TAFA2: variants seen among roughly 807,000 people sequenced by gnomAD.
TAFA2 encodes the protein TAFA chemokine like family member 2.
A neutral mutation model predicts 18.8 loss-of-function variants in TAFA2; 7 were observed. The ratio of observed to expected loss-of-function variants is 0.37; its 90% confidence interval spans 0.21 to 0.70. The LOEUF is 0.70. Ranked by LOEUF, TAFA2 falls within the 30% of genes least tolerant of loss-of-function variation. The pLI is 0.53. For synonymous variants in TAFA2, 60 were observed against 54.2 expected (o/e 1.11, Z -0.47); for missense variants, 122 against 158.1 (o/e 0.77, Z 1.23).
intron 1 of TAFA2, among the ~76,000 whole-genome samples, chr12:62,020,882 A>G (rs9668428): frequency 0.35 from 52,708 of 152,082 alleles, 9,578 homozygotes; most frequent in Non-Finnish European, 0.39. Context: ...AATGAAAACA[A>G]TCAAAGTAAG....
At chr12:62,257,499 A>C (rs541191579) in intron 1 of TAFA2, among the ~76,000 whole-genome samples, 1 of 152,280 alleles carries the variant, frequency 6.6e-6, no homozygotes, top group East Asian at 1.9e-4. Context: ...TTTAAATATC[A>C]GTAAGCAGAG....
At chr12:62,098,798 A>G (rs970099864) in intron 1 of TAFA2, among the ~76,000 whole-genome samples, 1 of 152,190 alleles carries the variant, frequency 6.6e-6, no homozygotes, top group African/African-American at 2.4e-5. Context: ...TAAAATTGAA[A>G]TTGAATAAAA....
chr12:61,812,415 G>T (rs1871908993), intron 2 of TAFA2, among the ~76,000 whole-genome samples: 1 of 151,362 alleles, frequency 6.6e-6, no homozygotes, highest in African/African-American at 2.5e-5. Flanking sequence ...AGAATAAACT[G>T]CTTCAGGGTC....
At chr12:61,778,700 G>A (rs930559741) in intron 2 of TAFA2, among the ~76,000 whole-genome samples, 11 of 151,822 alleles carry the variant, frequency 7.2e-5, no homozygotes, top group South Asian at 2.1e-4. Context: ...TGTCGACCTG[G>A]GTTTGAGCTC....
At chr12:62,051,008 CA>C (rs1259882451) in intron 1 of TAFA2, among the ~76,000 whole-genome samples, 7 of 152,304 alleles carry the variant, frequency 4.6e-5, no homozygotes, top group African/African-American at 1.7e-4. Flanking sequence ...CCAGGATTTC[CA>C]AAATGCCAAC....
chr12:62,147,289 T>A (rs1014461491), intron 1 of TAFA2, among the ~76,000 whole-genome samples: 2 of 143,952 alleles, frequency 1.4e-5, no homozygotes, highest in Non-Finnish European at 3.0e-5. Context: ...TATATATGTA[T>A]GTATATATGT....
At chr12:61,909,200 G>C (rs1314167379) in intron 1 of TAFA2, among the ~76,000 whole-genome samples, 1 of 152,134 alleles carries the variant, frequency 6.6e-6, no homozygotes, top group Non-Finnish European at 1.5e-5. Flanking sequence ...ACATTTTCAA[G>C]GTTCCATTAT....
At chr12:62,215,717 C>CTCTTGCTTAAGAGAAACAACTTGTTTA (rs2062732263) in intron 1 of TAFA2, among the ~76,000 whole-genome samples, 4 of 141,660 alleles carry the variant, frequency 2.8e-5, no homozygotes, top group African/African-American at 5.2e-5. Flanking sequence ...CAACTTGTTT[C>CTCTTGCTTAAGAGAAACAACTTGTTTA]TCTTGCTTAA....
chr12:61,738,290 AAC>A (rs369001355), intron 4 of TAFA2, among the ~76,000 whole-genome samples: 3,630 of 124,572 alleles, frequency 0.029, 105 homozygotes, highest in African/African-American at 0.079. Flanking sequence ...TGAAAATGAA[AAC>A]ACACACACAC....
intron 1 of TAFA2, among the ~76,000 whole-genome samples, chr12:62,164,842 G>T (rs1027018263): frequency 2.0e-5 from 3 of 151,968 alleles, no homozygotes; most frequent in African/African-American, 7.2e-5. Flanking sequence ...TTAGTACAAG[G>T]CCTGGCACAG....
intron 1 of TAFA2, among the ~76,000 whole-genome samples, chr12:62,114,205 C>T (rs1483982515): frequency 6.6e-6 from 1 of 152,196 alleles, no homozygotes; most frequent in Non-Finnish European, 1.5e-5. Context: ...CACCATTCCT[C>T]AAGACACAGT....
At chr12:61,761,706 A>C (rs1869553894) in intron 2 of TAFA2, among the ~76,000 whole-genome samples, 1 of 152,110 alleles carries the variant, frequency 6.6e-6, no homozygotes, top group African/African-American at 2.4e-5. Flanking sequence ...AAGTTGGCCA[A>C]GATAAAATAC....
intron 1 of TAFA2, among the ~76,000 whole-genome samples, chr12:61,923,422 C>A (rs994140352): frequency 1.3e-5 from 2 of 152,192 alleles, no homozygotes; most frequent in Admixed American, 1.3e-4. Context: ...TGTTCTGCAG[C>A]CTCTGCTGGT....
At chr12:61,732,396 C>T (rs373637073) in intron 4 of TAFA2, among the ~76,000 whole-genome samples, 64 of 152,072 alleles carry the variant, frequency 4.2e-4, no homozygotes, top group Non-Finnish European at 7.2e-4. Flanking sequence ...TGTGCTACCA[C>T]GTTATTTACT....
intron 1 of TAFA2, among the ~76,000 whole-genome samples, chr12:62,105,904 A>T (rs912735675): frequency 6.6e-6 from 1 of 152,240 alleles, no homozygotes; most frequent in Non-Finnish European, 1.5e-5. Context: ...GTCTGCTGCC[A>T]TTAGCAGATC....
intron 1 of TAFA2, chr12:62,253,056 T>C (rs1193326661): frequency 6.6e-6 from 1 of 152,208 alleles, no homozygotes; most frequent in Non-Finnish European, 1.5e-5. Context: ...TTGGTCTCTG[T>C]TCCTGACAGG....
chr12:62,228,634 T>G (rs1383041602), intron 1 of TAFA2, among the ~76,000 whole-genome samples: 1 of 152,190 alleles, frequency 6.6e-6, no homozygotes. Context: ...TCTCTGATTA[T>G]AGTATATTTT....
intron 1 of TAFA2, among the ~76,000 whole-genome samples, chr12:62,090,619 C>G (rs1868669430): frequency 6.6e-6 from 1 of 152,026 alleles, no homozygotes; most frequent in African/African-American, 2.4e-5. Context: ...ACCAGAGCCT[C>G]AAGGTCAACT....
intron 1 of TAFA2, among the ~76,000 whole-genome samples, chr12:62,210,849 C>T (rs779573156): frequency 4.1e-4 from 63 of 152,054 alleles, no homozygotes; most frequent in Non-Finnish European, 1.2e-4. Flanking sequence ...AATAAGAGAA[C>T]GTATATTGTC....
Sources: gnomAD v4.1 joint callset for allele counts (sites outside exome capture counted in the v4.1 genomes callset) on GRCh38, gnomAD v4.1.1 for gene constraint, MANE v1.5 for transcripts, NCBI Gene and HGNC (gene_info 2026-07-23, HGNC 2026-07-21) for gene names.